The following DSTN variants were observed in gnomAD, a reference collection of about 807,000 sequenced individuals.
DSTN encodes the protein destrin, actin depolymerizing factor.
In DSTN, 10 loss-of-function variants were observed where a neutral mutation model predicts 16.8. The observed-to-expected ratio is 0.60, with a 90% CI of 0.37 to 1.01. The LOEUF (loss-of-function observed/expected upper bound fraction) is 1.01, where lower values mean the gene tolerates loss of function less well. Ranked by LOEUF, DSTN falls within the 50% of genes least tolerant of loss-of-function variation. The probability of loss-of-function intolerance (pLI) is 0.01; values close to 1 mark genes in which losing one functional copy is unlikely to be tolerated. For missense variants in DSTN, 141 were observed against 196.7 expected, an observed-to-expected ratio of 0.72 and a Z score of 1.69; for synonymous variants, 57 against 58.9, an observed-to-expected ratio of 0.97 and a Z score of 0.14.
chr20:17,583,912 GTTT>G (rs1310428371), intron 1 of DSTN, among the ~76,000 whole-genome samples: 1 of 151,716 alleles, frequency 6.6e-6, no homozygotes, highest in African/African-American at 2.4e-5. Context: ...ATTTTAAAAA[GTTT>G]TTTTGTCAAG....
chr20:17,579,421 CAAAA>C (rs111453362), intron 1 of DSTN, among the ~76,000 whole-genome samples: 1 of 146,544 alleles, frequency 6.8e-6, no homozygotes, highest in South Asian at 2.2e-4. Flanking sequence ...CATAAAATAC[CAAAA>C]AAAAAAGGAA....
In DSTN at chr20:17,607,450, G is replaced by C. The variant is rs111274443; in HGVS notation, c.*304G>C. 7 of 257,020 alleles carry C rather than the reference G, an allele frequency of 2.7e-5. No individual in the cohort carries two copies. The South Asian group carries it at 1.0e-3, about 37-fold the overall frequency. The allele number at this position is 257,020 out of a possible 1,614,324, so 15.9% of individuals were successfully genotyped here. ...ACAAACAGTAAAGGCCATGTGAAGA[G>C]AATTATTACATCTTTATTAACCTCA... On this transcript the variant is annotated 3_prime_UTR_variant, in exon 4 of 4. Transcript: ENST00000246069.
At chr20:17,595,452 C>G (rs1568737407) in intron 1 of DSTN, among the ~76,000 whole-genome samples, 1 of 152,172 alleles carries the variant, frequency 6.6e-6, no homozygotes, top group Admixed American at 6.5e-5. Context: ...ACTCTCCCAT[C>G]TGTGCTGTGG....
chr20:17,598,350 A>G (rs1288433144), intron 1 of DSTN, among the ~76,000 whole-genome samples: 2 of 152,106 alleles, frequency 1.3e-5, no homozygotes, highest in African/African-American at 4.8e-5. Context: ...CCCCACAAAC[A>G]TTTGTTATTG....
At chr20:17,572,011 G>T (rs1425189777) in intron 1 of DSTN, among the ~76,000 whole-genome samples, 2 of 152,150 alleles carry the variant, frequency 1.3e-5, no homozygotes, top group African/African-American at 4.8e-5. Flanking sequence ...CCTTATGAGC[G>T]CAGGAGCATC....
At chr20:17,586,155 G>A (rs953148908) in intron 1 of DSTN, among the ~76,000 whole-genome samples, 5 of 152,076 alleles carry the variant, frequency 3.3e-5, no homozygotes, top group African/African-American at 1.2e-4. Flanking sequence ...TCTTTCTAAT[G>A]CTCATAAATC....
chr20:17,601,423 A>G (rs2035586147), intron 2 of DSTN, among the ~76,000 whole-genome samples: 1 of 152,070 alleles, frequency 6.6e-6, no homozygotes, highest in South Asian at 2.1e-4. Context: ...TACTCTTTTA[A>G]ATTACACCCC....
chr20:17,588,587 C>T lies in DSTN; in HGVS notation c.4-12151C>T, dbSNP rs373989861. On this transcript the variant is annotated intron_variant, in intron 1 of 3. Transcript: ENST00000246069. The stretch of plus-strand genomic sequence containing the variant: ...ACAAGGTCAGGAGATCGAGACCATC[C>T]TGGCTAACATGGTGAAACCCCGTCT... Among the ~76,000 whole-genome samples the T allele has an allele frequency of 2.4e-4, 36 of 152,256 alleles. No homozygotes were observed. In the East Asian group the frequency reaches 6.2e-3, roughly 26 times the overall value.
At chr20:17,574,981 G>A (rs1252078581) in intron 1 of DSTN, among the ~76,000 whole-genome samples, 1 of 143,942 alleles carries the variant, frequency 6.9e-6, no homozygotes, top group Non-Finnish European at 1.5e-5. Context: ...CTCAGCCTGC[G>A]GAGTAGCTGG....
Position 17,570,137 on chromosome 20 carries a change from T to A in DSTN, c.-72T>A. 1 of 1,510,276 alleles carries A rather than the reference T, an allele frequency of 6.6e-7. No individual in the cohort carries two copies. 93.6% of individuals were successfully genotyped at this position (1,510,276 alleles called of 1,614,324 possible). A position where few individuals can be genotyped will look rare whatever the true frequency, so the allele number is the denominator to read the frequency against. On this transcript the variant is annotated 5_prime_UTR_variant, in exon 1 of 4. Coordinates refer to ENST00000246069, the MANE Select transcript of DSTN (RefSeq NM_006870.4). ...GCTGGGTCTCTCGGTCCCGCAGCCG[T>A]GAGGAGGACGGTCTGCATACTCGCT...
At chr20:17,605,741 A>G (rs1000011717) in intron 3 of DSTN, among the ~76,000 whole-genome samples, 3 of 152,096 alleles carry the variant, frequency 2.0e-5, no homozygotes, top group African/African-American at 4.8e-5. Context: ...TGGATTCCTT[A>G]TTATCTTTAT....
chr20:17,577,914 A>T (rs1430776240), intron 1 of DSTN, among the ~76,000 whole-genome samples: 1 of 152,224 alleles, frequency 6.6e-6, no homozygotes, highest in Non-Finnish European at 1.5e-5. Context: ...TTTTCCAGTA[A>T]TGGATAAGAA....
chr20:17,582,567 A>C (rs1235843496), intron 1 of DSTN, among the ~76,000 whole-genome samples: 3 of 152,204 alleles, frequency 2.0e-5, no homozygotes, highest in East Asian at 1.9e-4. Context: ...CCCATTTCCC[A>C]GTGTGACGTG....
chr20:17,582,893 C>G (rs1232941075), intron 1 of DSTN, among the ~76,000 whole-genome samples: 1 of 152,022 alleles, frequency 6.6e-6, no homozygotes, highest in Non-Finnish European at 1.5e-5. Context: ...AAATGTTCAT[C>G]AAAGAACACC....
At chr20:17,584,652 C>CA (rs551581639) in intron 1 of DSTN, among the ~76,000 whole-genome samples, 1,384 of 55,346 alleles carry the variant, frequency 0.025, 23 homozygotes, top group East Asian at 0.18. Context: ...AACTCCGTCT[C>CA]AAAAAAAAAA....
intron 1 of DSTN, among the ~76,000 whole-genome samples, chr20:17,575,374 T>C (rs1337893819): frequency 6.6e-6 from 1 of 152,216 alleles, no homozygotes; most frequent in South Asian, 2.1e-4. Context: ...CACTCTAGTC[T>C]CTGAGTAACT....
At chr20:17,586,526 T>A (rs957861272) in intron 1 of DSTN, among the ~76,000 whole-genome samples, 1 of 152,250 alleles carries the variant, frequency 6.6e-6, no homozygotes, top group Non-Finnish European at 1.5e-5. Flanking sequence ...ATGGCTTTGC[T>A]GTTTAACCAC....
chr20:17,598,789 G>A (rs984151812), intron 1 of DSTN, among the ~76,000 whole-genome samples: 3 of 151,782 alleles, frequency 2.0e-5, no homozygotes, highest in Admixed American at 6.6e-5. Context: ...TTAGAGGCAC[G>A]GTCTCCCTAT....
chr20:17,582,651 T>C (rs2035359475), intron 1 of DSTN, among the ~76,000 whole-genome samples: 1 of 152,204 alleles, frequency 6.6e-6, no homozygotes, highest in African/African-American at 2.4e-5. Flanking sequence ...GATATCCGCA[T>C]GCAAAAGAAC....
Sources: allele counts gnomAD v4.1 joint callset (sites outside exome capture counted in the v4.1 genomes callset), GRCh38; gene constraint gnomAD v4.1.1; transcripts MANE v1.5; gene names NCBI Gene and HGNC (gene_info 2026-07-23, HGNC 2026-07-21).